Variants in DMTN observed in about 807,000 individuals in gnomAD.
The protein encoded by DMTN is dematin.
Under a neutral mutation model 59.4 loss-of-function variants are expected in DMTN, and 27 were observed. The observed-to-expected ratio is 0.45, with a 90% CI of 0.33 to 0.63. The LOEUF is 0.63. Ranked by LOEUF, DMTN falls within the 20% of genes least tolerant of loss-of-function variation. The pLI is 0.02. For missense variants in DMTN, 451 were observed against 528.9 expected (o/e 0.85, Z 1.45); for synonymous variants, 221 against 203.7 (o/e 1.08, Z -0.72).
In DMTN at chr8:22,066,765, T is replaced by G; in HGVS notation, c.-111T>G. 8.1e-7 allele frequency: 1 copy of G among 1,242,090 alleles called. No homozygotes were observed. The highest frequency in any genetic ancestry group is 1.0e-6 in the Non-Finnish European group (1 of 955,328). The allele number at this position is 1,242,090 out of a possible 1,614,324, so 76.9% of individuals were successfully genotyped here. On this transcript the variant is annotated 5_prime_UTR_variant, in exon 2 of 16. Coordinates refer to ENST00000358242, the MANE Select transcript of DMTN (RefSeq NM_001387751.1). ...AGCCCGGGGGAACGCGCCAGCTGCT[T>G]TCGCGGCCCCAAGCGCGCAGCGCCC...
intron 1 of DMTN, chr8:22,059,426 C>T (rs1407975706): frequency 1.3e-5 from 2 of 152,232 alleles, no homozygotes; most frequent in South Asian, 2.1e-4. Context: ...AGCCAGAGGC[C>T]CCCACACTCC....
chr8:22,063,399 A>G (rs577019254), intron 1 of DMTN, among the ~76,000 whole-genome samples: 1 of 152,288 alleles, frequency 6.6e-6, no homozygotes, highest in African/African-American at 2.4e-5. Context: ...GGCTGCCACC[A>G]GATTCATTTT....
intron 1 of DMTN, among the ~76,000 whole-genome samples, chr8:22,064,908 A>G (rs745962349): frequency 1.8e-4 from 28 of 152,316 alleles, no homozygotes; most frequent in Non-Finnish European, 3.4e-4. Flanking sequence ...TTTCAGCTCC[A>G]CGACTCTGGA....
rs148244901 is a variant in DMTN, at chr8:22,058,966, G to A, written c.-172+1830G>A. 6.6e-6 allele frequency among the ~76,000 whole-genome samples: 1 copy of A among 152,230 alleles called. No individual in the cohort carries two copies. Among genetic ancestry groups the A allele is most frequent in the African/African-American group, 2.4e-5 (1 of 41,534 alleles). On this transcript the variant is annotated intron_variant, in intron 1 of 15. Transcript: ENST00000358242. The surrounding 1 kb of genome is among the most constrained non-coding windows in gnomAD (Gnocchi z 4.3). ...GTGCCCTACCCCACCCACATCACAC[G>A]CATGCACAGCACCCATGGGAGCGCC... is the stretch of plus-strand genomic sequence containing the variant.
At chr8:22,051,202 T>TGGC (rs1310183330), upstream of DMTN, among the ~76,000 whole-genome samples, 5 of 151,600 alleles carry the variant, frequency 3.3e-5, no homozygotes, top group African/African-American at 1.2e-4. Flanking sequence ...TGGAGGGAGG[T>TGGC]GGCGGCAGCG....
rs749884536 is a variant in DMTN, at chr8:22,073,833, C to T, written c.833C>T (p.Thr278Ile). ...RSLPDRTPFH[T>I]SLHQGTSKSS... ...CTGCCTGACCGGACACCCTTCCATACCTGTGAGTGCTGTGGAGGGGGCTCA... is the reference window on the plus strand; with the variant it reads ...CTGCCTGACCGGACACCCTTCCATATCTGTGAGTGCTGTGGAGGGGGCTCA... The change falls in exon 10 of 16, where the codon ACC becomes ATC. Residue 278 changes from threonine to isoleucine, a missense_variant and splice_region_variant. Physicochemically the swap from Thr to Ile is moderately conservative, Grantham distance 89. Transcript: ENST00000358242. The T allele has an allele frequency of 1.2e-6, 2 of 1,613,534 alleles. No homozygotes were observed. The highest frequency in any genetic ancestry group is 2.2e-5 in the East Asian group (1 of 44,856).
intron 10 of DMTN, among the ~76,000 whole-genome samples, chr8:22,074,308 C>T (rs1334745004): frequency 1.3e-5 from 2 of 152,102 alleles, no homozygotes; most frequent in Non-Finnish European, 2.9e-5. Context: ...GGGCCTTGCT[C>T]TGTTGCCCAG....
chr8:22,060,200 T>C lies in DMTN; in HGVS notation c.-172+3064T>C, dbSNP rs574512623. On this transcript the variant is annotated intron_variant, in intron 1 of 15. Transcript: ENST00000358242. This position sits in a 1 kb window ranked among gnomAD's most constrained non-coding sequence, Gnocchi z 5.0. ...GCAGCTCGCCCTTTCTATCTCTTTGTGCACGGAGGTCGCTGGGACCTTGGG... is the reference window on the plus strand; with the variant it reads ...GCAGCTCGCCCTTTCTATCTCTTTGCGCACGGAGGTCGCTGGGACCTTGGG... Among the ~76,000 whole-genome samples, 1 of 152,142 alleles carries C rather than the reference T, an allele frequency of 6.6e-6. No individual in the cohort carries two copies. Among genetic ancestry groups the C allele is most frequent in the Non-Finnish European group, 1.5e-5 (1 of 68,032 alleles).
intron 1 of DMTN, among the ~76,000 whole-genome samples, chr8:22,064,700 T>C (rs1045362036): frequency 1.3e-4 from 20 of 152,222 alleles, no homozygotes; most frequent in Non-Finnish European, 2.1e-4. Flanking sequence ...CCTTGTGATC[T>C]GCCCGCCTTG....
Position 22,079,452 on chromosome 8 carries a change from AAAAT to A in DMTN, c.836-716_836-713del, listed in dbSNP as rs1457255889. 5.6e-4 allele frequency among the ~76,000 whole-genome samples: 85 copies of A among 151,326 alleles called. 1 individual carries two copies. The highest frequency in any genetic ancestry group is 7.4e-5 in the Non-Finnish European group (5 of 67,846). On this transcript the variant is annotated intron_variant, in intron 10 of 15. Transcript: ENST00000358242. ...GATGACACACGGAGACCCCATCTCA[AAAAT>A]AAATAAATAAACAAACAAACAAATA...
chr8:22,080,489 T>C, intron 12 of DMTN, 29 bp downstream of exon 12: 1 of 1,614,210 alleles, frequency 6.2e-7, no homozygotes, highest in Non-Finnish European at 8.5e-7. Flanking sequence ...TGCCGGGGTC[T>C]GGAGAAGGGG....
At chr8:22,070,498 C>G (rs577210249) in intron 8 of DMTN, 164 bp downstream of exon 8, 12 of 775,476 alleles carry the variant, frequency 1.5e-5, no homozygotes, top group Non-Finnish European at 2.1e-5. Flanking sequence ...CTCACTCACT[C>G]TCTGTGTTCC....
At chr8:22,072,154 T>C (rs547666037) in intron 8 of DMTN, among the ~76,000 whole-genome samples, 172 bp from the exon 9 acceptor site, 65 of 152,258 alleles carry the variant, frequency 4.3e-4, no homozygotes, top group African/African-American at 1.5e-3. Flanking sequence ...CCTCCCAATG[T>C]GTTGAGATTA....
In DMTN at chr8:22,072,446, G is replaced by C; in HGVS notation, c.725G>C (p.Ser242Thr). 2.6e-6 allele frequency: 4 copies of C among 1,560,404 alleles called. No homozygotes were observed. Among genetic ancestry groups the C allele is most frequent in the Non-Finnish European group, 3.5e-6 (4 of 1,150,628 alleles). Residue 242 changes from serine (S) to threonine (T), a missense_variant, in exon 9 of 16, where the codon AGT becomes ACT. By Grantham distance (58) the Ser-to-Thr change is moderately conservative. Transcript: ENST00000358242. Reference sequence around the variant, plus strand: ...AGGGAGCGTCAGAGAGAGGAACTCAGTAAGGTAGCATCTCACCACCCCCAC... The same window carrying C: ...AGGGAGCGTCAGAGAGAGGAACTCACTAAGGTAGCATCTCACCACCCCCAC... ...ALRERQREEL[S>T]KVTSNLGKMI...
chr8:22,070,429 C>G lies in DMTN; in HGVS notation c.604+95C>G, dbSNP rs1814435857. The G allele has an allele frequency of 2.1e-6, 3 of 1,448,498 alleles. No individual in the cohort carries two copies. In the African/African-American group the frequency reaches 4.3e-5, roughly 21 times the overall value. The allele number at this position is 1,448,498 out of a possible 1,614,324, so 89.7% of individuals were successfully genotyped here. A position where few individuals can be genotyped will look rare whatever the true frequency, so the allele number is the denominator to read the frequency against. On this transcript the variant is annotated intron_variant, in intron 8 of 15. Transcript: ENST00000358242. ...TGCAGTCCGTGAACCCACTCCCACC[C>G]CTGCCCTATGGTGTCCTCGTGGGCT...
Position 22,069,949 on chromosome 8 carries a change from C to G in DMTN, c.451+12C>G, listed in dbSNP as rs7386762. 0.8 allele frequency: 1,286,955 copies of G among 1,613,644 alleles called. 522,189 individuals carry two copies. The highest frequency in any genetic ancestry group is 0.98 in the East Asian group (44,052 of 44,872). ...CTATAAGCAGAGAGGTGAGGGCGCCCCTGGCTCACCAGAGCCTGCTTCCGG... is the reference window on the plus strand; with the variant it reads ...CTATAAGCAGAGAGGTGAGGGCGCCGCTGGCTCACCAGAGCCTGCTTCCGG... On this transcript the variant is annotated intron_variant, in intron 7 of 15. Coordinates refer to ENST00000358242, the MANE Select transcript of DMTN (RefSeq NM_001387751.1).
At position 22,077,878 on chromosome 8, in the gene DMTN, C is replaced by T. The variant is rs535422630; in HGVS notation, c.836-2302C>T. Among the ~76,000 whole-genome samples the T allele has an allele frequency of 4.9e-4, 74 of 152,130 alleles. No homozygotes were observed. In the Middle Eastern group the frequency reaches 0.014, roughly 28 times the overall value. On this transcript the variant is annotated intron_variant, in intron 10 of 15. Coordinates refer to ENST00000358242, the MANE Select transcript of DMTN (RefSeq NM_001387751.1). ...GAAGTAATTTGGAGGGGAAAATCTT[C>T]GTGCAGGGTTTGAAGGTTGAAATTC...
At chr8:22,067,001 C>T in intron 2 of DMTN, 84 bp from the exon 3 acceptor site, 9 of 1,306,016 alleles carry the variant, frequency 6.9e-6, no homozygotes, top group South Asian at 4.5e-5. Flanking sequence ...CGCAGCGCCC[C>T]GGGTCCCCCA....
At position 22,081,522 on chromosome 8, in the gene DMTN, G is replaced by A. The variant is rs1034351375; in HGVS notation, c.*59G>A. 3.4e-5 allele frequency: 52 copies of A among 1,524,768 alleles called. No individual in the cohort carries two copies. In the East Asian group the frequency reaches 6.5e-4, roughly 19 times the overall value. 94.5% of individuals were successfully genotyped at this position (1,524,768 alleles called of 1,614,324 possible). ...CCCTGCTGCTTCAGGGTTTTTCCCCGGCGGGTTGGGAGGGGCAGGAGGTGG... is the reference window on the plus strand; with the variant it reads ...CCCTGCTGCTTCAGGGTTTTTCCCCAGCGGGTTGGGAGGGGCAGGAGGTGG... On this transcript the variant is annotated 3_prime_UTR_variant, in exon 16 of 16. Coordinates refer to ENST00000358242, the MANE Select transcript of DMTN (RefSeq NM_001387751.1).
Sources: gnomAD v4.1 joint callset for allele counts (sites outside exome capture counted in the v4.1 genomes callset) on GRCh38, gnomAD v4.1.1 for gene constraint, Gnocchi (gnomAD v3.1) non-coding constraint, MANE v1.5 for transcripts, NCBI Gene and HGNC (gene_info 2026-07-23, HGNC 2026-07-21) for gene names.